Variants in PTPRD observed in about 807,000 individuals in gnomAD.
The protein encoded by PTPRD is protein tyrosine phosphatase receptor type D.
In PTPRD, 34 loss-of-function variants were observed where a neutral mutation model predicts 214.5. The ratio of observed to expected loss-of-function variants is 0.16; its 90% CI spans 0.12 to 0.21. The LOEUF (loss-of-function observed/expected upper bound fraction) is 0.21. Ranked by LOEUF, PTPRD falls within the 10% of genes least tolerant of loss-of-function variation. PTPRD has a pLI of 1.00. For synonymous variants in PTPRD, 1,128 were observed against 845.7 expected, an observed-to-expected ratio of 1.33 and a Z score of -5.79; for missense variants, 2,545 against 2,398.7, an observed-to-expected ratio of 1.06 and a Z score of -1.27.
At chr9:10,229,969 G>C (rs537169067) in intron 3 of PTPRD, among the ~76,000 whole-genome samples, 33 of 152,000 alleles carry the variant, frequency 2.2e-4, no homozygotes, top group African/African-American at 7.0e-4. Flanking sequence ...TAATACACTC[G>C]TATATATTTT....
rs149505152 is a variant in PTPRD at position 10,135,741 on chromosome 9, G to C, written c.-544-101951C>G. Reference sequence around the variant, plus strand: ...GGTCCTTAAGGGAATACTAATAATAGAAATGAAAGAACAGTGCCTGCTATC... The same window carrying C: ...GGTCCTTAAGGGAATACTAATAATACAAATGAAAGAACAGTGCCTGCTATC... On this transcript the variant is annotated intron_variant, in intron 3 of 45. Coordinates refer to ENST00000381196, the MANE Select transcript of PTPRD (RefSeq NM_002839.4). 1.6e-3 allele frequency among the ~76,000 whole-genome samples: 237 copies of C among 151,994 alleles called. 4 individuals carry two copies. In the East Asian group the frequency reaches 0.025, roughly 16 times the overall value.
At chr9:8,842,810 G>A (rs1396784623) in intron 11 of PTPRD, among the ~76,000 whole-genome samples, 1 of 152,178 alleles carries the variant, frequency 6.6e-6, no homozygotes, top group Non-Finnish European at 1.5e-5. Context: ...AGAGCAGGAG[G>A]AAAGATGCCA....
chr9:10,215,574 G>A (rs1013737470), intron 3 of PTPRD, among the ~76,000 whole-genome samples: 3 of 151,792 alleles, frequency 2.0e-5, no homozygotes, highest in African/African-American at 7.3e-5. Context: ...TGTCAACTTG[G>A]GAAAATAATT....
At chr9:8,704,853 G>A (rs1396142598) in intron 12 of PTPRD, among the ~76,000 whole-genome samples, 1 of 151,936 alleles carries the variant, frequency 6.6e-6, no homozygotes, top group African/African-American at 2.4e-5. Flanking sequence ...AACCCGGGAG[G>A]TGGAGGTTGC....
chr9:8,672,587 T>G (rs1375101414), intron 12 of PTPRD, among the ~76,000 whole-genome samples: 1 of 152,036 alleles, frequency 6.6e-6, no homozygotes, highest in Non-Finnish European at 1.5e-5. Flanking sequence ...CTTAAAAATA[T>G]TAAAAAGGGT....
chr9:9,371,264 G>C (rs573607734), intron 9 of PTPRD, among the ~76,000 whole-genome samples: 3 of 151,734 alleles, frequency 2.0e-5, no homozygotes, highest in African/African-American at 4.8e-5. Flanking sequence ...GGTTGGTAAG[G>C]TATTAATTAT....
At chr9:9,413,339 C>A (rs1359667214) in intron 8 of PTPRD, among the ~76,000 whole-genome samples, 1 of 150,928 alleles carries the variant, frequency 6.6e-6, no homozygotes, top group African/African-American at 2.4e-5. Flanking sequence ...TGGTCTCGAT[C>A]TCCTGACCTC....
At chr9:9,247,798 T>G (rs1387479296) in intron 9 of PTPRD, among the ~76,000 whole-genome samples, 1 of 152,092 alleles carries the variant, frequency 6.6e-6, no homozygotes, top group African/African-American at 2.4e-5. Flanking sequence ...TGAATCAGAT[T>G]CAATGAGGGC....
chr9:9,388,897 A>T (rs2064842263), intron 9 of PTPRD, among the ~76,000 whole-genome samples: 1 of 152,162 alleles, frequency 6.6e-6, no homozygotes, highest in African/African-American at 2.4e-5. Context: ...CCTGAAAAAA[A>T]AATCTTTCAC....
chr9:9,620,079 G>A (rs1348408579), intron 7 of PTPRD, among the ~76,000 whole-genome samples: 1 of 151,950 alleles, frequency 6.6e-6, no homozygotes, highest in African/African-American at 2.4e-5. Context: ...TGGCATTGAA[G>A]TCCTTCTGAT....
chr9:9,542,005 T>A (rs1190754411), intron 8 of PTPRD, among the ~76,000 whole-genome samples: 3 of 149,542 alleles, frequency 2.0e-5, no homozygotes, highest in Admixed American at 6.7e-5. Context: ...AGAGGAGAGG[T>A]CAACAAAATA....
intron 19 of PTPRD, 53 bp downstream of exon 19, chr9:8,523,460 T>C (rs532601547): frequency 6.3e-7 from 1 of 1,582,876 alleles, no homozygotes; most frequent in South Asian, 1.1e-5. Context: ...TTCTTTGTTA[T>C]TGGTTTAATT....
At chr9:9,664,088 T>TAAAAAAAAA (rs71319290) in intron 7 of PTPRD, among the ~76,000 whole-genome samples, 1 of 114,536 alleles carries the variant, frequency 8.7e-6, no homozygotes, top group Non-Finnish European at 1.8e-5. Context: ...CACTCCTGTG[T>TAAAAAAAAA]AAAAAAAAAA....
chr9:8,967,860 G>C (rs12551362), intron 11 of PTPRD, among the ~76,000 whole-genome samples: 11,496 of 151,908 alleles, frequency 0.076, 749 homozygotes, highest in East Asian at 0.26. Context: ...CCATTAACTC[G>C]TCATTTAGCA....
At chr9:10,476,119 T>C (rs1294010466) in intron 2 of PTPRD, among the ~76,000 whole-genome samples, 1 of 152,162 alleles carries the variant, frequency 6.6e-6, no homozygotes, top group African/African-American at 2.4e-5. Flanking sequence ...ACATAGTTTT[T>C]GAAGTTCTGG....
chr9:8,580,518 A>G (rs1389044753), intron 14 of PTPRD, among the ~76,000 whole-genome samples: 3 of 152,214 alleles, frequency 2.0e-5, no homozygotes, highest in Admixed American at 6.5e-5. Context: ...AAGTGAATAC[A>G]GCACCTGAAT....
rs1413612080 is a variant in PTPRD, at chr9:10,232,038, C to G, written c.-545+108925G>C. ...TGTGTGTGTGTGTGTGAGGTGCACTCTGGCTGTTATAAAGCGAGGTTCCTC... is the reference window on the plus strand; with the variant it reads ...TGTGTGTGTGTGTGTGAGGTGCACTGTGGCTGTTATAAAGCGAGGTTCCTC... On this transcript the variant is annotated intron_variant, in intron 3 of 45. Transcript: ENST00000381196. Among the ~76,000 whole-genome samples, 3 of 117,788 alleles carry G rather than the reference C, an allele frequency of 2.5e-5. No individual in the cohort carries two copies. The East Asian group carries it at 6.7e-4, about 26-fold the overall frequency. 77.3% of individuals were successfully genotyped at this position (117,788 alleles called of 152,430 possible).
intron 9 of PTPRD, among the ~76,000 whole-genome samples, chr9:9,394,639 A>G (rs193288392): frequency 5.1e-4 from 78 of 152,148 alleles, no homozygotes; most frequent in African/African-American, 1.9e-3. Context: ...GCAAATAGTC[A>G]TCACCATGTA....
chr9:10,471,786 T>C (rs1054530909), intron 2 of PTPRD, among the ~76,000 whole-genome samples: 2 of 152,056 alleles, frequency 1.3e-5, no homozygotes, highest in Non-Finnish European at 2.9e-5. Flanking sequence ...GTTGAAGAGA[T>C]GTCAGAAAAT....
Sources: gnomAD v4.1 joint callset for allele counts (sites outside exome capture counted in the v4.1 genomes callset) on GRCh38, gnomAD v4.1.1 for gene constraint, MANE v1.5 for transcripts, NCBI Gene and HGNC (gene_info 2026-07-23, HGNC 2026-07-21) for gene names.